FGGY: variants seen among roughly 807,000 people sequenced by gnomAD.
FGGY encodes FGGY carbohydrate kinase domain containing, also known as FGGY carbohydrate kinase domain-containing protein.
Under a neutral mutation model 71.3 loss-of-function variants are expected in FGGY, and 72 were observed. That is an observed-to-expected ratio of 1.01 (90% CI 0.84 to 1.23). FGGY has a LOEUF of 1.23. Ranked by LOEUF, FGGY falls within the 50% of genes most tolerant of loss-of-function variation. FGGY has a pLI of 0.00. For missense variants in FGGY, 668 were observed against 682.3 expected, an observed-to-expected ratio of 0.98 and a Z score of 0.23; for synonymous variants, 251 against 250.3, an observed-to-expected ratio of 1.00 and a Z score of -0.02.
intron 6 of FGGY, among the ~76,000 whole-genome samples, chr1:59,511,949 G>A (rs926759326): frequency 6.6e-6 from 1 of 152,194 alleles, no homozygotes; most frequent in Non-Finnish European, 1.5e-5. Flanking sequence ...GTTTAAGTAG[G>A]TTAGTAGATC....
At chr1:59,633,200 C>CG (rs776724825) in intron 10 of FGGY, among the ~76,000 whole-genome samples, 1 of 151,826 alleles carries the variant, frequency 6.6e-6, no homozygotes, top group Non-Finnish European at 1.5e-5. Flanking sequence ...TTAGTAGAGA[C>CG]GGGGTTTCAC....
rs1425859754 is a variant in FGGY at position 59,512,340 on chromosome 1, C to T, written c.700C>T (p.Leu234Phe). Residue 234 changes from leucine to phenylalanine, a missense_variant, in exon 7 of 16, where the codon CTT becomes TTT. By Grantham distance (22) the Leu-to-Phe change is conservative (BLOSUM62 0). Transcript: ENST00000303721. ...GNQVLPPGAS[L>F]GNGLTPEAAR... ...CCAAGTGCTACCTCCTGGAGCTTCT[C>T]TTGGAAATGGGCTCACACCAGAGGC... The T allele has an allele frequency of 6.2e-7, 1 of 1,612,062 alleles. No individual in the cohort carries two copies. The highest frequency in any genetic ancestry group is 8.5e-7 in the Non-Finnish European group (1 of 1,178,804).
At chr1:59,659,063 G>A (rs1196697997) in intron 11 of FGGY, among the ~76,000 whole-genome samples, 2 of 152,132 alleles carry the variant, frequency 1.3e-5, no homozygotes, top group African/African-American at 2.4e-5. Context: ...TTAGCCAGAT[G>A]TGGTGGTATA....
At chr1:59,567,023 A>G (rs2095884592) in intron 8 of FGGY, among the ~76,000 whole-genome samples, 1 of 152,190 alleles carries the variant, frequency 6.6e-6, no homozygotes, top group South Asian at 2.1e-4. Flanking sequence ...GTTAAATAAT[A>G]GATATATACA....
chr1:59,380,482 G>T (rs138835216), intron 5 of FGGY, among the ~76,000 whole-genome samples: 1 of 151,412 alleles, frequency 6.6e-6, no homozygotes, highest in South Asian at 2.1e-4. Context: ...TTTAAAGATC[G>T]CCATCCTAAC....
rs747196472 is a variant in FGGY at position 59,512,318 on chromosome 1, A to G, written c.678A>G (p.Gln226=). 1.9e-6 allele frequency: 3 copies of G among 1,607,580 alleles called. No homozygotes were observed. In the Admixed American group the frequency reaches 5.1e-5, roughly 27 times the overall value. Residue 226 remains glutamine, a synonymous_variant, in exon 7 of 16, where the codon CAA becomes CAG. Transcript: ENST00000303721. ...VADNYSKIGN[Q]VLPPGASLGN... ...TTTCTCATGTCTACCCAGGAAACCA[A>G]GTGCTACCTCCTGGAGCTTCTCTTG...
At chr1:59,614,077 G>A (rs2096721817) in intron 9 of FGGY, among the ~76,000 whole-genome samples, 3 of 152,156 alleles carry the variant, frequency 2.0e-5, no homozygotes. Context: ...GTACAAGGAG[G>A]AACTGGTACC....
chr1:59,579,107 T>C (rs2096137771), intron 8 of FGGY, among the ~76,000 whole-genome samples: 1 of 152,108 alleles, frequency 6.6e-6, no homozygotes, highest in South Asian at 2.1e-4. Context: ...CCAGGGTCTG[T>C]GTTCCTAAAT....
chr1:59,585,562 A>G (rs888119633), intron 8 of FGGY, among the ~76,000 whole-genome samples: 1 of 152,234 alleles, frequency 6.6e-6, no homozygotes, highest in African/African-American at 2.4e-5. Flanking sequence ...GAAACTATAA[A>G]AATCCTAGAA....
intron 4 of FGGY, among the ~76,000 whole-genome samples, chr1:59,359,740 A>G (rs927258450): frequency 7.9e-5 from 12 of 152,140 alleles, no homozygotes; most frequent in African/African-American, 2.2e-4. Flanking sequence ...AGTAATAAAA[A>G]CAAGCTTGAT....
At chr1:59,620,004 T>G (rs2096792676) in intron 9 of FGGY, among the ~76,000 whole-genome samples, 1 of 151,950 alleles carries the variant, frequency 6.6e-6, no homozygotes, top group Non-Finnish European at 1.5e-5. Context: ...GTGTGAAGTG[T>G]GCAGAAAAGA....
intron 1 of FGGY, among the ~76,000 whole-genome samples, chr1:59,299,229 A>G (rs2042400115): frequency 6.6e-6 from 1 of 152,150 alleles, no homozygotes; most frequent in South Asian, 2.1e-4. Flanking sequence ...GTGCAGAACT[A>G]CACAAGCATG....
intron 8 of FGGY, among the ~76,000 whole-genome samples, chr1:59,584,242 CTGAT>C (rs1386310135): frequency 1.3e-5 from 2 of 149,666 alleles, no homozygotes; most frequent in Non-Finnish European, 2.9e-5. Context: ...ACCAATATCC[CTGAT>C]GAACATCGAT....
intron 1 of FGGY, among the ~76,000 whole-genome samples, chr1:59,307,761 G>A (rs2043664538): frequency 1.3e-5 from 2 of 150,250 alleles, no homozygotes; most frequent in South Asian, 4.3e-4. Context: ...AACCCTTAAG[G>A]GAAGAATAGT....
chr1:59,377,540 C>G (rs895997221), intron 4 of FGGY, among the ~76,000 whole-genome samples: 4 of 152,280 alleles, frequency 2.6e-5, no homozygotes, highest in Middle Eastern at 3.4e-3. Context: ...TACAGGGTAC[C>G]TCCTATGACA....
chr1:59,380,711 G>C (rs1470327090), intron 5 of FGGY, among the ~76,000 whole-genome samples: 3 of 151,540 alleles, frequency 2.0e-5, no homozygotes, highest in African/African-American at 7.4e-5. Context: ...CAGATGAGTA[G>C]ATTGCAAAAA....
chr1:59,321,432 G>A (rs1415401832), intron 1 of FGGY, 104 bp from the exon 2 acceptor site: 41 of 948,530 alleles, frequency 4.3e-5, no homozygotes, highest in African/African-American at 1.2e-4. Flanking sequence ...AATGGCTACC[G>A]GTTAGGTAGC....
intron 8 of FGGY, among the ~76,000 whole-genome samples, chr1:59,559,066 G>T (rs2095742407): frequency 6.6e-6 from 1 of 152,042 alleles, no homozygotes; most frequent in South Asian, 2.1e-4. Flanking sequence ...ATTTCATATT[G>T]TTCAAACACA....
At chr1:59,413,451 G>A (rs2153429702) in intron 5 of FGGY, among the ~76,000 whole-genome samples, 1 of 152,288 alleles carries the variant, frequency 6.6e-6, no homozygotes, top group East Asian at 1.9e-4. Flanking sequence ...ATAAATGACA[G>A]TGACCTGACC....
Sources: allele counts gnomAD v4.1 joint callset (sites outside exome capture counted in the v4.1 genomes callset), GRCh38; gene constraint gnomAD v4.1.1; transcripts MANE v1.5; gene names NCBI Gene and HGNC (gene_info 2026-07-23, HGNC 2026-07-21).